Variants in AGBL4 observed in about 807,000 individuals in gnomAD.
AGBL4 encodes the protein AGBL carboxypeptidase 4, also known as cytosolic carboxypeptidase 6.
Under a neutral mutation model 66.4 loss-of-function variants are expected in AGBL4, and 58 were observed. That is an observed-to-expected ratio of 0.87 (90% CI 0.71 to 1.09). The LOEUF (loss-of-function observed/expected upper bound fraction) is 1.09. AGBL4 is among the 50% of genes least tolerant of loss of function. The probability of loss-of-function intolerance (pLI) is 0.00; values close to 1 mark genes in which losing one functional copy is unlikely to be tolerated. For missense variants in AGBL4, 579 were observed against 631.0 expected (o/e 0.92, Z 0.88); for synonymous variants, 234 against 222.9 (o/e 1.05, Z -0.44).
intron 5 of AGBL4, among the ~76,000 whole-genome samples, chr1:48,990,037 G>A (rs2148976738): frequency 6.6e-6 from 1 of 152,206 alleles, no homozygotes; most frequent in East Asian, 1.9e-4. Flanking sequence ...ATCCTTGCCA[G>A]CATTTGTTAT....
intron 10 of AGBL4, among the ~76,000 whole-genome samples, chr1:48,588,531 G>T (rs919432319): frequency 3.9e-5 from 6 of 152,118 alleles, no homozygotes; most frequent in African/African-American, 1.4e-4. Flanking sequence ...TTAAGCAAAT[G>T]AACAGACCAT....
chr1:49,404,320 T>C (rs902391517), intron 3 of AGBL4, among the ~76,000 whole-genome samples: 47 of 152,122 alleles, frequency 3.1e-4, no homozygotes, highest in African/African-American at 1.0e-3. Flanking sequence ...CATGAGAACA[T>C]AGGAAGAAGG....
At chr1:48,569,281 G>A (rs1644523126) in intron 11 of AGBL4, among the ~76,000 whole-genome samples, 1 of 152,218 alleles carries the variant, frequency 6.6e-6, no homozygotes, top group African/African-American at 2.4e-5. Context: ...GCACCTTAAG[G>A]GAAGAAGCAA....
In AGBL4 at chr1:49,991,936, A is replaced by G. The variant is rs553915244; in HGVS notation, c.34+31827T>C. ...CACTTAAGTTCCATATCTATAAAATAGAAATTAATCTCATTTACCTTGCAA... is the reference window on the plus strand; with the variant it reads ...CACTTAAGTTCCATATCTATAAAATGGAAATTAATCTCATTTACCTTGCAA... On this transcript the variant is annotated intron_variant, in intron 1 of 13. Coordinates refer to ENST00000371839, the MANE Select transcript of AGBL4 (RefSeq NM_032785.4). Among the ~76,000 whole-genome samples, 172 of 152,330 alleles carry G rather than the reference A, an allele frequency of 1.1e-3. 1 individual carries two copies. The highest frequency in any genetic ancestry group is 4.0e-3 in the African/African-American group (168 of 41,578).
At chr1:49,649,877 C>T (rs1367702657) in intron 3 of AGBL4, among the ~76,000 whole-genome samples, 1 of 152,000 alleles carries the variant, frequency 6.6e-6, no homozygotes, top group Non-Finnish European at 1.5e-5. Flanking sequence ...GATTAAACAA[C>T]ACACTTATAA....
intron 7 of AGBL4, among the ~76,000 whole-genome samples, chr1:48,654,267 A>G (rs1478148791): frequency 1.3e-5 from 2 of 152,212 alleles, no homozygotes; most frequent in African/African-American, 4.8e-5. Flanking sequence ...CACCTATGAA[A>G]TGAGCCCTCA....
At chr1:49,379,947 G>A (rs909523088) in intron 3 of AGBL4, among the ~76,000 whole-genome samples, 1 of 152,150 alleles carries the variant, frequency 6.6e-6, no homozygotes, top group African/African-American at 2.4e-5. Context: ...GCCTAAGACA[G>A]GGATGCCCTC....
chr1:48,777,956 C>T lies in AGBL4; in HGVS notation c.634+89235G>A, dbSNP rs1304255265. The stretch of plus-strand genomic sequence containing the variant: ...TCCAAGACAAGCCGTGAGGACCAGC[C>T]AAAGGGGGCTGATTGGGCTCTGTAC... On this transcript the variant is annotated intron_variant, in intron 6 of 13. Transcript: ENST00000371839. Among the ~76,000 whole-genome samples, 7 of 152,056 alleles carry T rather than the reference C, an allele frequency of 4.6e-5. No homozygotes were observed. The South Asian group carries it at 1.5e-3, about 32-fold the overall frequency.
chr1:49,816,463 C>T (rs561098601), intron 2 of AGBL4, among the ~76,000 whole-genome samples: 5 of 152,240 alleles, frequency 3.3e-5, no homozygotes, highest in Admixed American at 3.3e-4. Flanking sequence ...TATGTCTATT[C>T]ATATCTAGAT....
intron 3 of AGBL4, among the ~76,000 whole-genome samples, chr1:49,342,044 C>T (rs1055143378): frequency 1.3e-5 from 2 of 152,112 alleles, no homozygotes; most frequent in African/African-American, 4.8e-5. Flanking sequence ...AGATTGAAAC[C>T]GTTGATCATC....
At chr1:48,751,234 G>C (rs1245829086) in intron 6 of AGBL4, among the ~76,000 whole-genome samples, 1 of 152,174 alleles carries the variant, frequency 6.6e-6, no homozygotes, top group Non-Finnish European at 1.5e-5. Context: ...AAACTATGAA[G>C]ACATGGTGGG....
At chr1:48,749,486 A>G (rs2148622588) in intron 6 of AGBL4, among the ~76,000 whole-genome samples, 1 of 152,316 alleles carries the variant, frequency 6.6e-6, no homozygotes, top group East Asian at 1.9e-4. Flanking sequence ...CAGAAGTCAC[A>G]TAGGTGGTGA....
intron 5 of AGBL4, among the ~76,000 whole-genome samples, chr1:49,022,969 C>T (rs190827779): frequency 1.2e-4 from 19 of 152,244 alleles, no homozygotes; most frequent in Admixed American, 3.3e-4. Flanking sequence ...ATGTTGAAAA[C>T]AGTGCAAGCA....
chr1:49,511,034 T>C (rs970352393), intron 3 of AGBL4, among the ~76,000 whole-genome samples: 1 of 151,980 alleles, frequency 6.6e-6, no homozygotes. Context: ...TCCAGCTTTG[T>C]TCTTTTGGCT....
intron 11 of AGBL4, among the ~76,000 whole-genome samples, chr1:48,553,326 A>G (rs532114502): frequency 6.6e-6 from 1 of 152,254 alleles, no homozygotes; most frequent in South Asian, 2.1e-4. Flanking sequence ...TCTCACATAT[A>G]TTTTTAGAAG....
intron 3 of AGBL4, among the ~76,000 whole-genome samples, chr1:49,316,187 T>C (rs1016605637): frequency 6.6e-6 from 1 of 151,986 alleles, no homozygotes; most frequent in Non-Finnish European, 1.5e-5. Context: ...ACTGTAATGA[T>C]AGATATATGT....
At chr1:49,347,045 T>G (rs942263398) in intron 3 of AGBL4, among the ~76,000 whole-genome samples, 4 of 152,218 alleles carry the variant, frequency 2.6e-5, no homozygotes, top group Non-Finnish European at 5.9e-5. Context: ...AGTTTAAGTT[T>G]CACTTTAAAG....
intron 5 of AGBL4, among the ~76,000 whole-genome samples, chr1:48,868,183 T>C (rs1191446365): frequency 6.6e-6 from 1 of 152,220 alleles, no homozygotes; most frequent in Non-Finnish European, 1.5e-5. Context: ...ACAAATTCCA[T>C]TTTGAGAGTC....
chr1:50,014,156 A>C (rs1468600064), intron 1 of AGBL4, among the ~76,000 whole-genome samples: 1 of 152,108 alleles, frequency 6.6e-6, no homozygotes, highest in Non-Finnish European at 1.5e-5. Context: ...GCAGATCACG[A>C]GGTCAAGAGA....
Sources: allele counts gnomAD v4.1 joint callset (sites outside exome capture counted in the v4.1 genomes callset), GRCh38; gene constraint gnomAD v4.1.1; transcripts MANE v1.5; gene names NCBI Gene and HGNC (gene_info 2026-07-23, HGNC 2026-07-21).